PCP4: variants seen among roughly 807,000 people sequenced by gnomAD.
The protein encoded by PCP4 is calmodulin regulator protein PCP4.
PCP4 carries 8 observed loss-of-function variants against 10.0 expected under a neutral mutation model. The ratio of observed to expected loss-of-function variants is 0.80; its 90% confidence interval spans 0.47 to 1.45. PCP4 has a LOEUF of 1.45. PCP4 is among the 40% of genes most tolerant of loss of function. The probability of loss-of-function intolerance (pLI) is 0.00; values close to 1 mark genes in which losing one functional copy is unlikely to be tolerated. For synonymous variants in PCP4, 21 were observed against 23.0 expected, an observed-to-expected ratio of 0.91 and a Z score of 0.24; for missense variants, 54 against 74.4, an observed-to-expected ratio of 0.73 and a Z score of 1.01.
At chr21:39,888,999 C>T (rs1007398517) in intron 1 of PCP4, among the ~76,000 whole-genome samples, 15 of 152,130 alleles carry the variant, frequency 9.9e-5, no homozygotes, top group South Asian at 6.2e-4. Context: ...GTGCCGTAGC[C>T]GTGAGAGGCT....
intron 1 of PCP4, among the ~76,000 whole-genome samples, chr21:39,876,998 G>A (rs2087349400): frequency 1.3e-5 from 2 of 152,200 alleles, no homozygotes; most frequent in Non-Finnish European, 2.9e-5. Flanking sequence ...TTCATTCAAA[G>A]TGGTCATTTT....
chr21:39,914,573 C>CA lies in PCP4; in HGVS notation c.62-14397dup, dbSNP rs55775259. On this transcript the variant is annotated intron_variant, in intron 2 of 2. Transcript: ENST00000328619. ...TCCAGCCTGGGTGACAGAGCTGTCTCAAAAAAAAAAAAAAGAAAAAAAAAA... is the reference window on the plus strand; with the variant it reads ...TCCAGCCTGGGTGACAGAGCTGTCTCAAAAAAAAAAAAAAAGAAAAAAAAAA... 1.3e-3 allele frequency among the ~76,000 whole-genome samples: 158 copies of CA among 118,934 alleles called. 5 individuals are homozygous for CA. The highest frequency in any genetic ancestry group is 5.7e-3 in the East Asian group (24 of 4,194). 78.0% of individuals were successfully genotyped at this position (118,934 alleles called of 152,430 possible).
At chr21:39,921,174 G>A (rs974361661) in intron 2 of PCP4, among the ~76,000 whole-genome samples, 8 of 152,308 alleles carry the variant, frequency 5.3e-5, no homozygotes, top group East Asian at 1.9e-4. Context: ...TTGCAAGCTG[G>A]TTGACTGTAT....
chr21:39,880,146 C>CTA (rs1189101395), intron 1 of PCP4, among the ~76,000 whole-genome samples: 1 of 131,634 alleles, frequency 7.6e-6, no homozygotes, highest in Non-Finnish European at 1.6e-5. Context: ...ATATCTATAT[C>CTA]TATATCTATA....
intron 2 of PCP4, among the ~76,000 whole-genome samples, chr21:39,918,082 T>A (rs2087577681): frequency 6.6e-6 from 1 of 152,220 alleles, no homozygotes; most frequent in African/African-American, 2.4e-5. Flanking sequence ...TGTGAGAACA[T>A]AAATTTCTGT....
chr21:39,920,662 T>G (rs1285677634), intron 2 of PCP4, among the ~76,000 whole-genome samples: 1 of 152,218 alleles, frequency 6.6e-6, no homozygotes, highest in African/African-American at 2.4e-5. Flanking sequence ...TGTGCTGTGT[T>G]TCAAACTTTT....
At chr21:39,893,212 A>G (rs572180709) in intron 1 of PCP4, among the ~76,000 whole-genome samples, 91 of 152,310 alleles carry the variant, frequency 6.0e-4, no homozygotes, top group African/African-American at 2.1e-3. Flanking sequence ...GTTTTCTGGG[A>G]AACCCAGACT....
chr21:39,898,002 C>T (rs1015220664), intron 1 of PCP4, among the ~76,000 whole-genome samples: 19 of 143,458 alleles, frequency 1.3e-4, no homozygotes, highest in South Asian at 1.1e-3. Context: ...GCCAAGATTG[C>T]GCCGCTGCAC....
At chr21:39,925,791 G>A (rs2087618175) in intron 2 of PCP4, among the ~76,000 whole-genome samples, 1 of 152,062 alleles carries the variant, frequency 6.6e-6, no homozygotes, top group Non-Finnish European at 1.5e-5. Context: ...CTCCTCACAG[G>A]GCCACCCTGC....
At chr21:39,917,353 G>A (rs73354162) in intron 2 of PCP4, among the ~76,000 whole-genome samples, 2,055 of 152,188 alleles carry the variant, frequency 0.014, 43 homozygotes, top group African/African-American at 0.045. Flanking sequence ...CCCCTGATGC[G>A]CACTTCTGCC....
At chr21:39,892,688 G>A (rs1215903052) in intron 1 of PCP4, among the ~76,000 whole-genome samples, 1 of 152,092 alleles carries the variant, frequency 6.6e-6, no homozygotes, top group African/African-American at 2.4e-5. Context: ...ATTCCCTTAA[G>A]CATGTATCCT....
chr21:39,894,720 A>G (rs2087448691), intron 1 of PCP4, among the ~76,000 whole-genome samples: 1 of 152,194 alleles, frequency 6.6e-6, no homozygotes, highest in South Asian at 2.1e-4. Context: ...GATTTCATTT[A>G]TTAGTTCAAT....
chr21:39,902,005 G>A (rs976262327), intron 2 of PCP4, among the ~76,000 whole-genome samples: 2 of 152,124 alleles, frequency 1.3e-5, no homozygotes, highest in Non-Finnish European at 2.9e-5. Context: ...GATATGAGAC[G>A]ATCATCTTGG....
chr21:39,884,657 C>T (rs1037074825), intron 1 of PCP4, among the ~76,000 whole-genome samples: 8 of 151,770 alleles, frequency 5.3e-5, no homozygotes, highest in East Asian at 2.0e-4. Context: ...GTTAGCCAGG[C>T]GTGGTGGCAT....
intron 1 of PCP4, among the ~76,000 whole-genome samples, chr21:39,880,618 G>T (rs2087370959): frequency 6.6e-6 from 1 of 152,148 alleles, no homozygotes; most frequent in African/African-American, 2.4e-5. Context: ...AGCATCCGCT[G>T]GCCAGTTTTG....
Position 39,898,458 on chromosome 21 carries a change from T to C in PCP4, c.10-18T>C, listed in dbSNP as rs961443237. 2 of 1,610,410 alleles carry C rather than the reference T, an allele frequency of 1.2e-6. No homozygotes were observed. Among genetic ancestry groups the C allele is most frequent in the African/African-American group, 2.7e-5 (2 of 74,824 alleles). On this transcript the variant is annotated intron_variant, in intron 1 of 2. Coordinates refer to ENST00000328619, the MANE Select transcript of PCP4 (RefSeq NM_006198.3). ...TATCTGATAACAATTGCTTTTTTCT[T>C]TTATTTTTTGCCTTTAGCGACAAGG...
intron 2 of PCP4, among the ~76,000 whole-genome samples, chr21:39,899,796 A>G (rs1395396153): frequency 6.6e-6 from 1 of 152,094 alleles, no homozygotes; most frequent in African/African-American, 2.4e-5. Flanking sequence ...GAAGGCAGGA[A>G]GCAGAGGAAG....
chr21:39,910,928 TC>T (rs1187076113), intron 2 of PCP4, among the ~76,000 whole-genome samples: 3 of 152,230 alleles, frequency 2.0e-5, no homozygotes, highest in African/African-American at 7.2e-5. Flanking sequence ...ACTCATTTGT[TC>T]CTGGTTCACC....
chr21:39,888,635 T>C (rs894172389), intron 1 of PCP4, among the ~76,000 whole-genome samples: 6 of 152,190 alleles, frequency 3.9e-5, no homozygotes, highest in African/African-American at 1.4e-4. Context: ...CTGCCCCCGA[T>C]GTCAATCATT....
Sources: allele counts gnomAD v4.1 joint callset (sites outside exome capture counted in the v4.1 genomes callset), GRCh38; gene constraint gnomAD v4.1.1; transcripts MANE v1.5; gene names NCBI Gene and HGNC (gene_info 2026-07-23, HGNC 2026-07-21).